The following CMKLR2 variants were observed in gnomAD, a reference collection of about 807,000 sequenced individuals.
The protein encoded by CMKLR2 is chemerin-like receptor 2.
Under a neutral mutation model 23.0 loss-of-function variants are expected in CMKLR2, and 18 were observed. The observed-to-expected ratio is 0.78, with a 90% CI of 0.54 to 1.16. The LOEUF (loss-of-function observed/expected upper bound fraction) is 1.16, where lower values mean the gene tolerates loss of function less well. Among genes scored for constraint, CMKLR2 ranks in the 50% most tolerant of loss-of-function variants. The probability of loss-of-function intolerance (pLI) is 0.00; values close to 1 mark genes in which losing one functional copy is unlikely to be tolerated. For synonymous variants in CMKLR2, 158 were observed against 158.9 expected, an observed-to-expected ratio of 0.99 and a Z score of 0.05; for missense variants, 401 against 412.7, an observed-to-expected ratio of 0.97 and a Z score of 0.25.
chr2:206,189,297 G>GC (rs1187841067), intron 1 of CMKLR2, among the ~76,000 whole-genome samples: 1 of 152,178 alleles, frequency 6.6e-6, no homozygotes, highest in Admixed American at 6.5e-5. Flanking sequence ...CACCACAGGG[G>GC]CCCTTGGGGG....
At chr2:206,209,710 A>G (rs1177205456) in intron 1 of CMKLR2, among the ~76,000 whole-genome samples, 6 of 145,062 alleles carry the variant, frequency 4.1e-5, no homozygotes, top group Admixed American at 1.4e-4. Context: ...GTGCAGTGGC[A>G]TGATCTCGGC....
At chr2:206,203,210 C>G (rs1689168388) in intron 1 of CMKLR2, among the ~76,000 whole-genome samples, 2 of 150,458 alleles carry the variant, frequency 1.3e-5, no homozygotes, top group African/African-American at 2.4e-5. Flanking sequence ...TGCCTGTAAT[C>G]CCAGCTACTC....
At chr2:206,202,694 G>C (rs1181246218) in intron 1 of CMKLR2, among the ~76,000 whole-genome samples, 1 of 152,134 alleles carries the variant, frequency 6.6e-6, no homozygotes, top group East Asian at 1.9e-4. Context: ...GGTGGGGATG[G>C]GGGAGGTGGG....
At chr2:206,203,219 T>A (rs1689168751) in intron 1 of CMKLR2, among the ~76,000 whole-genome samples, 1 of 146,640 alleles carries the variant, frequency 6.8e-6, no homozygotes, top group Non-Finnish European at 1.5e-5. Flanking sequence ...TCCCAGCTAC[T>A]CGGGAGGCTG....
intron 1 of CMKLR2, among the ~76,000 whole-genome samples, chr2:206,189,312 T>C (rs1017701662): frequency 2.6e-5 from 4 of 152,100 alleles, no homozygotes; most frequent in African/African-American, 7.2e-5. Flanking sequence ...TGGGGGAACA[T>C]GTATTTTGCT....
intron 1 of CMKLR2, among the ~76,000 whole-genome samples, chr2:206,186,452 T>A (rs1688584451): frequency 6.6e-6 from 1 of 152,166 alleles, no homozygotes; most frequent in South Asian, 2.1e-4. Flanking sequence ...GTATCCTAAC[T>A]AATATAACTT....
At chr2:206,195,632 G>A (rs1688896298) in intron 1 of CMKLR2, among the ~76,000 whole-genome samples, 1 of 152,186 alleles carries the variant, frequency 6.6e-6, no homozygotes, top group South Asian at 2.1e-4. Context: ...TTAGGAAGCT[G>A]AAAATCAAGA....
intron 1 of CMKLR2, among the ~76,000 whole-genome samples, chr2:206,192,312 T>A (rs971620144): frequency 3.3e-5 from 5 of 149,800 alleles, no homozygotes; most frequent in Admixed American, 6.6e-5. Context: ...ATTTATTTTT[T>A]TTTTATTTTT....
At chr2:206,210,803 G>T (rs962246279) in intron 1 of CMKLR2, among the ~76,000 whole-genome samples, 1 of 152,088 alleles carries the variant, frequency 6.6e-6, no homozygotes, top group Non-Finnish European at 1.5e-5. Context: ...TAAAGAAAAA[G>T]CTCTGTCAAC....
intron 1 of CMKLR2, among the ~76,000 whole-genome samples, chr2:206,179,563 T>G (rs1211351272): frequency 2.8e-5 from 4 of 144,708 alleles, no homozygotes; most frequent in African/African-American, 1.0e-4. Context: ...TCTCTTGACC[T>G]CGTGATCCAC....
upstream of CMKLR2, chr2:206,213,809 G>A (rs6730407): frequency 0.28 from 42,046 of 152,176 alleles, 6,101 homozygotes; most frequent in African/African-American, 0.35. Context: ...ATAGTGAAGA[G>A]ATGGAATCAC....
intron 1 of CMKLR2, among the ~76,000 whole-genome samples, chr2:206,186,147 T>C (rs1303877083): frequency 4.8e-5 from 7 of 147,260 alleles, no homozygotes; most frequent in Middle Eastern, 7.5e-3. Context: ...AGTCTCACAC[T>C]GTCACCCAGG....
chr2:206,182,651 T>A (rs1688451414), intron 1 of CMKLR2, among the ~76,000 whole-genome samples: 1 of 152,054 alleles, frequency 6.6e-6, no homozygotes, highest in South Asian at 2.1e-4. Context: ...GGATGGAGTC[T>A]CACTTTGTCA....
chr2:206,196,571 G>A (rs1018506729), intron 1 of CMKLR2, among the ~76,000 whole-genome samples: 3 of 152,040 alleles, frequency 2.0e-5, no homozygotes, highest in African/African-American at 7.2e-5. Flanking sequence ...AGCCCAGAAC[G>A]ATGCATGGAA....
chr2:206,217,091 T>C (rs1233097392), upstream of CMKLR2, among the ~76,000 whole-genome samples: 1 of 151,936 alleles, frequency 6.6e-6, no homozygotes, highest in Non-Finnish European at 1.5e-5. Flanking sequence ...TTGTTGTTGT[T>C]TGAAAAAAAA....
At chr2:206,198,512 T>A (rs1397180334) in intron 1 of CMKLR2, among the ~76,000 whole-genome samples, 1 of 152,190 alleles carries the variant, frequency 6.6e-6, no homozygotes, top group Non-Finnish European at 1.5e-5. Flanking sequence ...TTTATTACTC[T>A]CCATGCCTCA....
chr2:206,198,303 A>C (rs1453596935), intron 1 of CMKLR2, among the ~76,000 whole-genome samples: 1 of 152,182 alleles, frequency 6.6e-6, no homozygotes, highest in Non-Finnish European at 1.5e-5. Flanking sequence ...AAGCACTGGA[A>C]CTTAGGAGAG....
Position 206,175,667 on chromosome 2 carries a change from T to G in CMKLR2, c.*513A>C, listed in dbSNP as rs1306494190. 1 of 152,156 alleles carries G rather than the reference T, an allele frequency of 6.6e-6. No individual in the cohort carries two copies. The highest frequency in any genetic ancestry group is 1.9e-4 in the East Asian group (1 of 5,190). The allele number at this position is 152,156 out of a possible 1,614,324, so 9.4% of individuals were successfully genotyped here. On this transcript the variant is annotated 3_prime_UTR_variant, in exon 2 of 2. Coordinates refer to ENST00000621141, the MANE Select transcript of CMKLR2 (RefSeq NM_001389445.1). ...CATGCACCACCATGACCGGCTAATT[T>G]TGTATTTTTAGTAGAGACGGGGTTT...
intron 1 of CMKLR2, among the ~76,000 whole-genome samples, chr2:206,184,446 G>A (rs377314361): frequency 1.7e-4 from 26 of 151,928 alleles, no homozygotes; most frequent in Middle Eastern, 3.4e-3. Context: ...ACAGATGTGC[G>A]CCACCACATA....
Sources: allele counts gnomAD v4.1 joint callset (sites outside exome capture counted in the v4.1 genomes callset), GRCh38; gene constraint gnomAD v4.1.1; transcripts MANE v1.5; gene names NCBI Gene and HGNC (gene_info 2026-07-23, HGNC 2026-07-21).